The following RELL1 variants were observed in gnomAD, a reference collection of about 807,000 sequenced individuals.
The protein encoded by RELL1 is RELT like 1.
In RELL1, 10 loss-of-function variants were observed where a neutral mutation model predicts 23.0. That is an observed-to-expected ratio of 0.43 (90% confidence interval 0.27 to 0.74). The LOEUF is 0.74. RELL1 is among the 30% of genes least tolerant of loss of function. RELL1 has a pLI of 0.19. For synonymous variants in RELL1, 146 were observed against 146.8 expected (o/e 0.99, Z 0.04); for missense variants, 315 against 364.4 (o/e 0.86, Z 1.10).
At chr4:37,603,135 G>C (rs956978871) in intron 6 of RELL1, among the ~76,000 whole-genome samples, 3 of 152,190 alleles carry the variant, frequency 2.0e-5, no homozygotes, top group Non-Finnish European at 4.4e-5. Flanking sequence ...GGGCTTGAAG[G>C]AAGATACAGC....
intron 6 of RELL1, among the ~76,000 whole-genome samples, chr4:37,592,580 A>AT (rs1317795531): frequency 6.6e-6 from 1 of 152,228 alleles, no homozygotes; most frequent in Non-Finnish European, 1.5e-5. Context: ...ATTTAAAGGC[A>AT]TTAAGGATGC....
chr4:37,604,810 GAC>G (rs199773530), intron 6 of RELL1, among the ~76,000 whole-genome samples: 2 of 73,620 alleles, frequency 2.7e-5, no homozygotes, highest in Non-Finnish European at 2.5e-5. Context: ...CACACACACA[GAC>G]ACACACACAG....
Position 37,635,091 on chromosome 4 carries a change from G to A in RELL1, c.476C>T (p.Pro159Leu). ...TGGTGACAAAGGCCCAGGACTCACT[G>A]GCGGGCTCCCTGGTGTGCTGGGGGT... ...PVTPSTPGSP[P>L]VSPGPLSPGG... The change falls in exon 5 of 7, where the codon CCA (proline) becomes CTA (leucine). Residue 159 changes from proline (P) to leucine (L), a missense_variant. Transcript: ENST00000454158. 1 of 1,614,200 alleles carries A rather than the reference G, an allele frequency of 6.2e-7. No homozygotes were observed. The highest frequency in any genetic ancestry group is 2.2e-5 in the East Asian group (1 of 44,890).
chr4:37,635,589 G>A (rs1037526969), intron 4 of RELL1, among the ~76,000 whole-genome samples: 29 of 152,012 alleles, frequency 1.9e-4, no homozygotes, highest in African/African-American at 5.3e-4. Flanking sequence ...TTGTACCACC[G>A]AACTCCAGCC....
At chr4:37,606,089 G>C (rs1266577028), downstream of RELL1, among the ~76,000 whole-genome samples, 2 of 142,974 alleles carry the variant, frequency 1.4e-5, no homozygotes, top group Non-Finnish European at 3.0e-5. This position sits in a 1 kb window ranked among gnomAD's most constrained non-coding sequence, Gnocchi z 4.1. Flanking sequence ...AAAGGGGAAG[G>C]ATGGAAGGCA....
At chr4:37,614,843 G>T (rs1211765796) in intron 6 of RELL1, among the ~76,000 whole-genome samples, 1 of 152,096 alleles carries the variant, frequency 6.6e-6, no homozygotes, top group East Asian at 1.9e-4. Context: ...CAAAGGTGGG[G>T]GATGTCAGGC....
At chr4:37,656,375 T>C (rs1395893642) in intron 1 of RELL1, among the ~76,000 whole-genome samples, 1 of 152,182 alleles carries the variant, frequency 6.6e-6, no homozygotes, top group Non-Finnish European at 1.5e-5. Context: ...GGATAGTTGA[T>C]GATCAACAGG....
intron 6 of RELL1, among the ~76,000 whole-genome samples, chr4:37,602,892 C>A (rs577042304): frequency 2.0e-5 from 3 of 152,304 alleles, no homozygotes; most frequent in Admixed American, 1.3e-4. Context: ...GAATCATTCT[C>A]ACCAGTATCC....
chr4:37,633,319 C>G (rs1198158105), intron 5 of RELL1, among the ~76,000 whole-genome samples: 2 of 144,676 alleles, frequency 1.4e-5, no homozygotes, highest in African/African-American at 5.1e-5. Context: ...TGAGGCACGA[C>G]AATCGTTTGA....
chr4:37,651,624 T>C (rs1318558305), intron 1 of RELL1, among the ~76,000 whole-genome samples: 1 of 152,182 alleles, frequency 6.6e-6, no homozygotes, highest in Non-Finnish European at 1.5e-5. Context: ...CCCACCTCCA[T>C]GCTGAAGAAT....
chr4:37,606,480 A>G (rs1719225290), downstream of RELL1, among the ~76,000 whole-genome samples: 1 of 152,202 alleles, frequency 6.6e-6, no homozygotes, highest in Non-Finnish European at 1.5e-5. The surrounding 1 kb of genome is among the most constrained non-coding windows in gnomAD (Gnocchi z 4.1). Flanking sequence ...GTTCTCTGCA[A>G]ATGTAATCAA....
chr4:37,606,299 C>T (rs369281213), downstream of RELL1, among the ~76,000 whole-genome samples: 66 of 151,828 alleles, frequency 4.3e-4, no homozygotes, highest in African/African-American at 1.5e-3. This position sits in a 1 kb window ranked among gnomAD's most constrained non-coding sequence, Gnocchi z 4.1. Flanking sequence ...GATGGAACCA[C>T]ATCAAGGGAC....
chr4:37,600,780 CGTGTGT>C (rs71189087), intron 6 of RELL1, among the ~76,000 whole-genome samples: 3,894 of 147,664 alleles, frequency 0.026, 200 homozygotes, highest in East Asian at 0.13. Flanking sequence ...TGGATTTGTG[CGTGTGT>C]GTGTGTGTGT....
rs374120117 is a variant in RELL1 at position 37,631,529 on chromosome 4, G to T, written c.681-6C>A. ...CCACTTTTGTAACTCTAAATCTGAG[G>T]GGGGAATGGGGAGAGGTGATGGGGT... On this transcript the variant is annotated splice_region_variant and splice_polypyrimidine_tract_variant and intron_variant, in intron 5 of 6. Coordinates refer to ENST00000454158, the MANE Select transcript of RELL1 (RefSeq NM_001085400.2). The T allele has an allele frequency of 4.3e-5, 70 of 1,613,274 alleles. No homozygotes were observed. The highest frequency in any genetic ancestry group is 3.3e-4 in the Middle Eastern group (2 of 6,080).
At position 37,611,648 on chromosome 4, in the gene RELL1, G is replaced by A. The variant is rs1245294990; in HGVS notation, c.*1698C>T. 2.0e-5 allele frequency among the ~76,000 whole-genome samples: 3 copies of A among 151,824 alleles called. No homozygotes were observed. The highest frequency in any genetic ancestry group is 2.0e-4 in the Admixed American group (3 of 15,242). On this transcript the variant is annotated 3_prime_UTR_variant, in exon 7 of 7. Coordinates refer to ENST00000454158, the MANE Select transcript of RELL1 (RefSeq NM_001085400.2). ...GACCTTGTAACTGGCCTCCCCCACA[G>A]CTCACCCCAGAGCTACCATAAATCA...
At chr4:37,609,955 G>GTTGA (rs373871400), downstream of RELL1, among the ~76,000 whole-genome samples, 292 of 152,300 alleles carry the variant, frequency 1.9e-3, 2 homozygotes, top group African/African-American at 6.5e-3. Context: ...CATAAACTTA[G>GTTGA]TTGATAAAGC....
At position 37,655,260 on chromosome 4, in the gene RELL1, TAA is replaced by T. The variant is rs978459247; in HGVS notation, c.89-5762_89-5761del. On this transcript the variant is annotated intron_variant, in intron 1 of 6. Transcript: ENST00000454158. ...GATGGGAAATATATATATATATATA[TAA>T]AAAGCAAGTTTGCTTGGTGTTATGG... Among the ~76,000 whole-genome samples the T allele has an allele frequency of 1.3e-4, 19 of 144,240 alleles. No individual in the cohort carries two copies. In the South Asian group the frequency reaches 1.6e-3, roughly 12 times the overall value. 94.6% of individuals were successfully genotyped at this position (144,240 alleles called of 152,430 possible).
intron 6 of RELL1, among the ~76,000 whole-genome samples, chr4:37,625,005 A>G (rs1316919420): frequency 6.6e-6 from 1 of 152,248 alleles, no homozygotes; most frequent in Non-Finnish European, 1.5e-5. Flanking sequence ...CATATATCGT[A>G]TCATGTATGT....
At position 37,590,972 on chromosome 4, in the gene RELL1, CAGG is replaced by C. The variant is rs1718578710; in HGVS notation, c.*246_*248del. The C allele has an allele frequency of 2.5e-6, 4 of 1,612,786 alleles. No homozygotes were observed. The East Asian group carries it at 6.7e-5, about 27-fold the overall frequency. ...CTTGCAGCTTTAGAAGCTGCTACTGCAGGAGAAGATTTGGATGAGACTGATTAG... is the reference window on the plus strand; with the variant it reads ...CTTGCAGCTTTAGAAGCTGCTACTGCAGAAGATTTGGATGAGACTGATTAG... On this transcript the variant is annotated 3_prime_UTR_variant, in exon 7 of 7. Transcript: ENST00000314117.
Sources: gnomAD v4.1 joint callset for allele counts (sites outside exome capture counted in the v4.1 genomes callset) on GRCh38, gnomAD v4.1.1 for gene constraint, Gnocchi (gnomAD v3.1) non-coding constraint, MANE v1.5 for transcripts, NCBI Gene and HGNC (gene_info 2026-07-23, HGNC 2026-07-21) for gene names.